Variants in EXOC6B observed in about 807,000 individuals in gnomAD.
EXOC6B encodes exocyst complex component 6B.
Under a neutral mutation model 113.5 loss-of-function variants are expected in EXOC6B, and 54 were observed. The observed-to-expected ratio is 0.48, with a 90% CI of 0.38 to 0.60. The LOEUF (loss-of-function observed/expected upper bound fraction) is 0.60. EXOC6B is among the 20% of genes least tolerant of loss of function. The pLI, the probability that EXOC6B is intolerant of heterozygous loss-of-function variation, is 0.00. For synonymous variants in EXOC6B, 357 were observed against 339.0 expected, an observed-to-expected ratio of 1.05 and a Z score of -0.58; for missense variants, 797 against 977.5, an observed-to-expected ratio of 0.82 and a Z score of 2.46.
At chr2:72,546,726 A>T (rs1322086254) in intron 8 of EXOC6B, among the ~76,000 whole-genome samples, 1 of 152,226 alleles carries the variant, frequency 6.6e-6, no homozygotes, top group African/African-American at 2.4e-5. Context: ...AAAACAGGTC[A>T]TCAGCTTGCC....
Position 72,611,173 on chromosome 2 carries a change from G to C in EXOC6B, c.670-35505C>G, listed in dbSNP as rs1038412521. On this transcript the variant is annotated intron_variant, in intron 6 of 21. Transcript: ENST00000272427. The stretch of plus-strand genomic sequence containing the variant: ...AGGACAGGAGTTCAAGACCAGCCTG[G>C]CCAAATAGCAAAACCGCGTCTCTAC... Among the ~76,000 whole-genome samples, 3 of 151,962 alleles carry C rather than the reference G, an allele frequency of 2.0e-5. No individual in the cohort carries two copies. The East Asian group carries it at 5.8e-4, about 29-fold the overall frequency.
chr2:72,223,615 A>T (rs960069731), intron 20 of EXOC6B, among the ~76,000 whole-genome samples: 1 of 152,226 alleles, frequency 6.6e-6, no homozygotes, highest in Non-Finnish European at 1.5e-5. Flanking sequence ...GAAAAAGAAC[A>T]TGTGTTTCTG....
At chr2:72,603,288 T>A (rs1235851714) in intron 6 of EXOC6B, among the ~76,000 whole-genome samples, 1 of 152,030 alleles carries the variant, frequency 6.6e-6, no homozygotes, top group Non-Finnish European at 1.5e-5. Context: ...TAGAATAATG[T>A]CACTTTTAAA....
chr2:72,247,757 A>G (rs1317082654), intron 20 of EXOC6B, among the ~76,000 whole-genome samples: 1 of 152,226 alleles, frequency 6.6e-6, no homozygotes, highest in African/African-American at 2.4e-5. Flanking sequence ...TGGTCCACAG[A>G]TGACATTCTT....
intron 11 of EXOC6B, among the ~76,000 whole-genome samples, chr2:72,508,184 A>AAAAAAAAAAAAAAACAAAAAAAAAAAAC (rs923877882): frequency 1.1e-5 from 1 of 89,114 alleles, no homozygotes; most frequent in African/African-American, 6.7e-5. Flanking sequence ...AAAAAAAAAA[A>AAAAAAAAAAAAAAACAAAAAAAAAAAAC]ACACCTAAAA....
Position 72,468,264 on chromosome 2 carries a change from G to C in EXOC6B, c.1801-2925C>G, listed in dbSNP as rs77283975. On this transcript the variant is annotated intron_variant, in intron 17 of 21. Coordinates refer to ENST00000272427, the MANE Select transcript of EXOC6B (RefSeq NM_015189.3). Reference sequence around the variant, plus strand: ...AGATTTTTCCCTATATTATTTTGTAGTAATTTTAGTTTCAGGTCTTATGTT... The same window carrying C: ...AGATTTTTCCCTATATTATTTTGTACTAATTTTAGTTTCAGGTCTTATGTT... Among the ~76,000 whole-genome samples, 1,141 of 151,850 alleles carry C rather than the reference G, an allele frequency of 7.5e-3. 23 individuals carry two copies. Among genetic ancestry groups the C allele is most frequent in the African/African-American group, 0.026 (1,058 of 41,404 alleles).
chr2:72,767,741 A>T (rs1683155184), intron 1 of EXOC6B, among the ~76,000 whole-genome samples: 3 of 137,244 alleles, frequency 2.2e-5, no homozygotes, highest in South Asian at 4.9e-4. Context: ...TAAGCCTGGG[A>T]GGTGGAGGTT....
At chr2:72,748,695 C>T (rs1326744952) in intron 1 of EXOC6B, among the ~76,000 whole-genome samples, 2 of 151,990 alleles carry the variant, frequency 1.3e-5, no homozygotes, top group Non-Finnish European at 2.9e-5. Flanking sequence ...CAAAAGAATG[C>T]TGTGATGCAG....
intron 1 of EXOC6B, among the ~76,000 whole-genome samples, chr2:72,793,700 G>T (rs898490350): frequency 1.3e-5 from 2 of 152,158 alleles, no homozygotes; most frequent in Non-Finnish European, 2.9e-5. Flanking sequence ...GAGGTACATA[G>T]GTGTAAGAGA....
intron 19 of EXOC6B, among the ~76,000 whole-genome samples, chr2:72,347,887 A>G (rs1306756007): frequency 1.3e-5 from 2 of 152,180 alleles, no homozygotes; most frequent in African/African-American, 2.4e-5. Context: ...TGACAAGGAA[A>G]GGGCACTATC....
intron 20 of EXOC6B, among the ~76,000 whole-genome samples, chr2:72,281,607 G>A (rs1685138008): frequency 6.6e-6 from 1 of 152,196 alleles, no homozygotes; most frequent in South Asian, 2.1e-4. Context: ...AATCTAGACT[G>A]AAGCGGAAAG....
chr2:72,669,102 A>G (rs946411032), intron 6 of EXOC6B, among the ~76,000 whole-genome samples: 2 of 151,942 alleles, frequency 1.3e-5, no homozygotes, highest in South Asian at 4.1e-4. Context: ...ATATATTATT[A>G]TTTATTAAAA....
chr2:72,284,485 A>T (rs1418246926), intron 20 of EXOC6B, among the ~76,000 whole-genome samples: 2 of 152,088 alleles, frequency 1.3e-5, no homozygotes, highest in African/African-American at 4.8e-5. Flanking sequence ...GATAAAGAAC[A>T]TCTACAAAAA....
chr2:72,465,399 A>C lies in EXOC6B; in HGVS notation c.1801-60T>G, dbSNP rs1329302494. On this transcript the variant is annotated intron_variant, in intron 17 of 21. Coordinates refer to ENST00000272427, the MANE Select transcript of EXOC6B (RefSeq NM_015189.3). ...GATTTCAATATGGGCAGAAATTTCT[A>C]TGAGCTTAGAGCCATCTGACATATC... The C allele has an allele frequency of 5.2e-6, 7 of 1,354,566 alleles. No individual in the cohort carries two copies. In the Admixed American group the frequency reaches 1.5e-4, roughly 29 times the overall value. 83.9% of individuals were successfully genotyped at this position (1,354,566 alleles called of 1,614,324 possible).
intron 18 of EXOC6B, among the ~76,000 whole-genome samples, chr2:72,445,860 C>T (rs1355609365): frequency 6.6e-6 from 1 of 152,156 alleles, no homozygotes; most frequent in African/African-American, 2.4e-5. Flanking sequence ...TTTTAAAAGA[C>T]ACACATGTGG....
At chr2:72,523,407 T>G (rs1373471088) in intron 8 of EXOC6B, among the ~76,000 whole-genome samples, 1 of 152,172 alleles carries the variant, frequency 6.6e-6, no homozygotes, top group Non-Finnish European at 1.5e-5. Flanking sequence ...GAAAAAAAAT[T>G]TATACTGAGA....
chr2:72,381,325 T>C (rs1314637320), intron 18 of EXOC6B, among the ~76,000 whole-genome samples: 1 of 152,190 alleles, frequency 6.6e-6, no homozygotes, highest in Non-Finnish European at 1.5e-5. Context: ...TTTGGAAGTA[T>C]ACCACAATTT....
intron 18 of EXOC6B, among the ~76,000 whole-genome samples, chr2:72,442,025 G>A (rs1331773498): frequency 1.3e-5 from 2 of 152,062 alleles, no homozygotes; most frequent in African/African-American, 2.4e-5. Flanking sequence ...AAATCAAATC[G>A]AGCAGCGCAT....
At chr2:72,768,511 G>A (rs761788083) in intron 1 of EXOC6B, among the ~76,000 whole-genome samples, 3 of 151,440 alleles carry the variant, frequency 2.0e-5, no homozygotes, top group Non-Finnish European at 4.4e-5. Context: ...CTCCATGTTG[G>A]TCAGGCTGGT....
Sources: gnomAD v4.1 joint callset for allele counts (sites outside exome capture counted in the v4.1 genomes callset) on GRCh38, gnomAD v4.1.1 for gene constraint, MANE v1.5 for transcripts, NCBI Gene and HGNC (gene_info 2026-07-23, HGNC 2026-07-21) for gene names.